ANTXR2: variants seen among roughly 807,000 people sequenced by gnomAD.
The protein encoded by ANTXR2 is ANTXR cell adhesion molecule 2.
A neutral mutation model predicts 73.7 loss-of-function variants in ANTXR2; 44 were observed. That is an observed-to-expected ratio of 0.60 (90% CI 0.47 to 0.77). The LOEUF is 0.77. Ranked by LOEUF, ANTXR2 falls within the 30% of genes least tolerant of loss-of-function variation. ANTXR2 has a pLI of 0.00. For missense variants in ANTXR2, 604 were observed against 592.5 expected (o/e 1.02, Z -0.20); for synonymous variants, 217 against 205.9 (o/e 1.05, Z -0.46).
At chr4:79,984,787 C>G (rs772202156) in intron 13 of ANTXR2, 32 bp downstream of exon 13, 12 of 1,569,860 alleles carry the variant, frequency 7.6e-6, no homozygotes, top group Non-Finnish European at 1.0e-5. Context: ...AAAAAAAAAA[C>G]AGCCATATCA....
chr4:79,989,888 A>T (rs1420131982), intron 12 of ANTXR2, among the ~76,000 whole-genome samples: 1 of 152,152 alleles, frequency 6.6e-6, no homozygotes, highest in African/African-American at 2.4e-5. Flanking sequence ...AAACCACATG[A>T]TCATCTCAAT....
At chr4:79,936,845 C>T (rs913835770) in intron 16 of ANTXR2, among the ~76,000 whole-genome samples, 3 of 152,042 alleles carry the variant, frequency 2.0e-5, no homozygotes, top group African/African-American at 7.3e-5. Context: ...TGGTACTACA[C>T]TAGTAGTACC....
chr4:80,032,746 T>C (rs1339594931), intron 9 of ANTXR2, among the ~76,000 whole-genome samples: 8 of 151,860 alleles, frequency 5.3e-5, no homozygotes, highest in Non-Finnish European at 1.0e-4. Context: ...AACATTTATA[T>C]AGATACTCAA....
chr4:80,043,743 C>T (rs1733389741), intron 7 of ANTXR2, among the ~76,000 whole-genome samples: 1 of 151,970 alleles, frequency 6.6e-6, no homozygotes, highest in South Asian at 2.1e-4. Context: ...TAAGAGTCAG[C>T]TGTGACTGCC....
rs985456145 is a variant in ANTXR2 at position 79,984,852 on chromosome 4, A to T, written c.1053T>A (p.Asp351Glu). 1 of 1,605,988 alleles carries T rather than the reference A, an allele frequency of 6.2e-7. No homozygotes were observed. The highest frequency in any genetic ancestry group is 8.5e-7 in the Non-Finnish European group (1 of 1,175,554). ...WPLCCKVVIK[D>E]PPPPPAPAPK... Reference sequence around the variant, plus strand: ...GTGCAGGGGCGGGTGGTGGTGGAGGATCCTTAATAACCTGTCAAAAAAAAT... The same window carrying T: ...GTGCAGGGGCGGGTGGTGGTGGAGGTTCCTTAATAACCTGTCAAAAAAAAT... Residue 351 changes from aspartate to glutamate, a missense_variant, in exon 13 of 17, where the codon GAT becomes GAA. Physicochemically the swap from Asp to Glu is conservative, Grantham distance 45. Coordinates refer to ENST00000403729, the MANE Select transcript of ANTXR2 (RefSeq NM_058172.6).
chr4:80,014,417 T>A (rs1481558924), intron 11 of ANTXR2, among the ~76,000 whole-genome samples: 1 of 151,734 alleles, frequency 6.6e-6, no homozygotes, highest in Admixed American at 6.6e-5. Flanking sequence ...AAATAAAAAA[T>A]TAGCTGGGTG....
intron 16 of ANTXR2, among the ~76,000 whole-genome samples, chr4:79,957,053 T>C (rs1174164316): frequency 6.6e-6 from 1 of 152,262 alleles, no homozygotes; most frequent in East Asian, 1.9e-4. Flanking sequence ...TATGACCTGC[T>C]ATATCATAAT....
chr4:80,005,496 A>T (rs1731259786), intron 12 of ANTXR2, among the ~76,000 whole-genome samples: 1 of 152,150 alleles, frequency 6.6e-6, no homozygotes, highest in Admixed American at 6.6e-5. Context: ...AGCATTGCAC[A>T]AATATATAAC....
intron 16 of ANTXR2, among the ~76,000 whole-genome samples, chr4:79,943,878 C>G (rs1299075693): frequency 1.5e-4 from 22 of 151,668 alleles, no homozygotes; most frequent in South Asian, 2.1e-4. Flanking sequence ...TTCCTCATTT[C>G]TAGGAACTGG....
intron 16 of ANTXR2, among the ~76,000 whole-genome samples, chr4:79,952,183 G>A (rs1440876525): frequency 1.3e-5 from 2 of 150,048 alleles, no homozygotes; most frequent in Non-Finnish European, 3.0e-5. Flanking sequence ...ACTATTTGCT[G>A]TTTATATATA....
Position 80,002,888 on chromosome 4 carries a change from A to G in ANTXR2, c.1041+5633T>C, listed in dbSNP as rs533019517. ...ACCATCTCACACCAGTTAGAATGGC[A>G]ATCATTAAAAAGTCAGGAAACAACA... On this transcript the variant is annotated intron_variant, in intron 12 of 16. Transcript: ENST00000403729. Among the ~76,000 whole-genome samples, 447 of 147,782 alleles carry G rather than the reference A, an allele frequency of 3.0e-3. 2 individuals carry two copies. The highest frequency in any genetic ancestry group is 0.01 in the African/African-American group (421 of 40,596).
Position 79,903,353 on chromosome 4 carries a change from TC to T in ANTXR2, c.*4075del, listed in dbSNP as rs1726781470. 1.1e-5 allele frequency: 1 copy of T among 93,396 alleles called. No individual in the cohort carries two copies. Among genetic ancestry groups the T allele is most frequent in the African/African-American group, 3.5e-5 (1 of 28,778 alleles). 5.8% of individuals were successfully genotyped at this position (93,396 alleles called of 1,614,324 possible). A position where few individuals can be genotyped will look rare whatever the true frequency, so the allele number is the denominator to read the frequency against. On this transcript the variant is annotated 3_prime_UTR_variant, in exon 17 of 17. Transcript: ENST00000403729. ...ATTGAGTCAATTCTCCCTCTGTTTCTCTCTCTCTCTCTCTCTCTCACACACA... is the reference window on the plus strand; with the variant it reads ...ATTGAGTCAATTCTCCCTCTGTTTCTTCTCTCTCTCTCTCTCTCACACACA...
chr4:79,918,917 T>A (rs759646684), intron 16 of ANTXR2, among the ~76,000 whole-genome samples: 7 of 151,746 alleles, frequency 4.6e-5, no homozygotes, highest in Admixed American at 6.6e-5. Context: ...AAGAAAAAAA[T>A]GGAAATTATA....
intron 11 of ANTXR2, among the ~76,000 whole-genome samples, chr4:80,009,242 C>A (rs1341440762): frequency 6.6e-6 from 1 of 152,112 alleles, no homozygotes; most frequent in Non-Finnish European, 1.5e-5. Flanking sequence ...CTCCTCCAGC[C>A]TTAAGGCACC....
At position 79,907,355 on chromosome 4, in the gene ANTXR2, T is replaced by G; in HGVS notation, c.*74A>C. On this transcript the variant is annotated 3_prime_UTR_variant, in exon 17 of 17. Coordinates refer to ENST00000403729, the MANE Select transcript of ANTXR2 (RefSeq NM_058172.6). ...AAAAGCTTCTGAAATGCACTTGATT[T>G]TTTTCATTTGGTTGAAAATCAGCTA... 6.6e-7 allele frequency: 1 copy of G among 1,509,282 alleles called. No individual in the cohort carries two copies. The allele number at this position is 1,509,282 out of a possible 1,614,324, so 93.5% of individuals were successfully genotyped here.
Position 80,060,203 on chromosome 4 carries a change from G to T in ANTXR2, c.297-4190C>A, listed in dbSNP as rs374303858. 1.2e-4 allele frequency among the ~76,000 whole-genome samples: 18 copies of T among 152,200 alleles called. No homozygotes were observed. The East Asian group carries it at 2.5e-3, about 21-fold the overall frequency. ...CATAAAGCTCTATATATGCACTGTG[G>T]TTCTCCACCCTGGCTGTACACTGGA... On this transcript the variant is annotated intron_variant, in intron 3 of 16. Coordinates refer to ENST00000403729, the MANE Select transcript of ANTXR2 (RefSeq NM_058172.6).
At chr4:79,990,844 T>C (rs564822078) in intron 12 of ANTXR2, among the ~76,000 whole-genome samples, 2 of 152,074 alleles carry the variant, frequency 1.3e-5, no homozygotes, top group African/African-American at 4.8e-5. Flanking sequence ...AAGTTGACAA[T>C]AACAAGCAGT....
chr4:80,045,977 G>A (rs781633529), intron 7 of ANTXR2, among the ~76,000 whole-genome samples: 6 of 151,666 alleles, frequency 4.0e-5, no homozygotes, highest in Non-Finnish European at 7.4e-5. Flanking sequence ...AATATCAGTT[G>A]CTCAATACAG....
chr4:80,033,765 G>A (rs1732816515), intron 8 of ANTXR2, among the ~76,000 whole-genome samples, 195 bp from the exon 9 acceptor site: 1 of 151,978 alleles, frequency 6.6e-6, no homozygotes, highest in Non-Finnish European at 1.5e-5. Context: ...ATGTAGTGAA[G>A]ATACCATTCA....
Sources: allele counts gnomAD v4.1 joint callset (sites outside exome capture counted in the v4.1 genomes callset), GRCh38; gene constraint gnomAD v4.1.1; transcripts MANE v1.5; gene names NCBI Gene and HGNC (gene_info 2026-07-23, HGNC 2026-07-21).